The following HIPK2 variants were observed in gnomAD, a reference collection of about 807,000 sequenced individuals.
HIPK2 encodes the protein homeodomain interacting protein kinase 2.
In HIPK2, 27 loss-of-function variants were observed where a neutral mutation model predicts 113.7. That is an observed-to-expected ratio of 0.24 (90% CI 0.17 to 0.33). HIPK2 has a LOEUF of 0.33. Ranked by LOEUF, HIPK2 falls within the 10% of genes least tolerant of loss-of-function variation. The pLI, the probability that HIPK2 is intolerant of heterozygous loss-of-function variation, is 1.00. For missense variants in HIPK2, 1,257 were observed against 1,588.0 expected (o/e 0.79, Z 3.54); for synonymous variants, 631 against 642.2 (o/e 0.98, Z 0.26).
intron 1 of HIPK2, among the ~76,000 whole-genome samples, chr7:139,753,018 G>C (rs1796305607): frequency 1.3e-5 from 2 of 152,212 alleles, no homozygotes; most frequent in South Asian, 2.1e-4. Context: ...GTCTAGGTAG[G>C]CTTGGGCAAG....
At chr7:139,732,494 G>A (rs897149674) in intron 1 of HIPK2, among the ~76,000 whole-genome samples, 1 of 152,152 alleles carries the variant, frequency 6.6e-6, no homozygotes, top group African/African-American at 2.4e-5. Context: ...CCTATGTCTT[G>A]CTTTAAAACA....
At chr7:139,592,617 T>C (rs1799065368) in intron 12 of HIPK2, among the ~76,000 whole-genome samples, 1 of 152,140 alleles carries the variant, frequency 6.6e-6, no homozygotes, top group South Asian at 2.1e-4. Flanking sequence ...TGACTAAAGG[T>C]TGTATGCTAC....
chr7:139,677,915 A>C (rs1802559218), intron 2 of HIPK2, among the ~76,000 whole-genome samples: 1 of 152,186 alleles, frequency 6.6e-6, no homozygotes, highest in South Asian at 2.1e-4. Context: ...CGCCATTCTA[A>C]CTGGTGTGAG....
intron 2 of HIPK2, among the ~76,000 whole-genome samples, chr7:139,662,315 A>C (rs1193484664): frequency 6.6e-6 from 1 of 152,250 alleles, no homozygotes; most frequent in Non-Finnish European, 1.5e-5. Context: ...GCAGGAAAGC[A>C]CTGTATAAAG....
intron 2 of HIPK2, among the ~76,000 whole-genome samples, chr7:139,646,888 G>A (rs1801252832): frequency 6.6e-6 from 1 of 152,068 alleles, no homozygotes; most frequent in African/African-American, 2.4e-5. Flanking sequence ...ACTCTTGGTG[G>A]TCCCAGACTC....
intron 1 of HIPK2, among the ~76,000 whole-genome samples, chr7:139,743,097 G>A (rs1796132051): frequency 6.6e-6 from 1 of 152,192 alleles, no homozygotes; most frequent in African/African-American, 2.4e-5. Flanking sequence ...CCCCAGGTGT[G>A]CAGGAAGAGA....
Position 139,626,622 on chromosome 7 carries a change from A to C in HIPK2, c.1598T>G (p.Leu533Arg), listed in dbSNP as rs776731877. Residue 533 changes from leucine to arginine, a missense_variant, in exon 6 of 15, where the codon CTC (leucine) becomes CGC (arginine). By Grantham distance (102) the Leu-to-Arg change is moderately radical. Coordinates refer to ENST00000406875, the MANE Select transcript of HIPK2 (RefSeq NM_022740.5). Reference protein sequence around the residue: ...NHPFVTMTHLLDFPHSTHVKS... With the variant: ...NHPFVTMTHLRDFPHSTHVKS... Reference sequence around the variant, plus strand: ...CTACTGTGTGCTGTGGGGAAAATCGAGTAAGTGTGTCATGGTGACAAAGGG... The same window carrying C: ...CTACTGTGTGCTGTGGGGAAAATCGCGTAAGTGTGTCATGGTGACAAAGGG... 2 of 1,613,712 alleles carry C rather than the reference A, an allele frequency of 1.2e-6. No individual in the cohort carries two copies.
chr7:139,775,212 C>T (rs1304745100), intron 1 of HIPK2, among the ~76,000 whole-genome samples: 1 of 152,172 alleles, frequency 6.6e-6, no homozygotes, highest in Non-Finnish European at 1.5e-5. Flanking sequence ...TTAGCATGCA[C>T]ACAGGGAGTC....
rs754877718 is a variant in HIPK2, at chr7:139,613,875, T to A, written c.1990+411A>T. ...CCCAGGGAAGTACTTTTCAGACTGA[T>A]GGATATTCTTCATGGGAGCTGGGAC... On this transcript the variant is annotated intron_variant, in intron 8 of 14. Transcript: ENST00000406875. This position sits in a 1 kb window ranked among gnomAD's most constrained non-coding sequence, Gnocchi z 4.2. 6.6e-6 allele frequency among the ~76,000 whole-genome samples: 1 copy of A among 152,194 alleles called. No homozygotes were observed. Among genetic ancestry groups the A allele is most frequent in the Non-Finnish European group, 1.5e-5 (1 of 68,036 alleles).
chr7:139,702,542 G>A (rs1367807912), intron 2 of HIPK2, among the ~76,000 whole-genome samples: 2 of 152,210 alleles, frequency 1.3e-5, no homozygotes, highest in Admixed American at 1.3e-4. Context: ...GCTGGGGGGA[G>A]ACCTTTCCTG....
Position 139,575,270 on chromosome 7 carries a change from G to T in HIPK2, c.2984C>A (p.Ser995Ter), listed in dbSNP as rs780109584. ...GGAGGACTTGGACTTGTAGGAGGACGAGTGGTGACTGGTGTTGACTGTGGC... is the reference window on the plus strand; with the variant it reads ...GGAGGACTTGGACTTGTAGGAGGACTAGTGGTGACTGGTGTTGACTGTGGC... ...SLVPVNTSHH[S>*]SSYKSKSSSN... Residue 995 changes from serine to a stop codon, truncating the protein, a stop_gained, in exon 14 of 15, where the codon TCG (serine) becomes TAG (stop). Transcript: ENST00000406875. LOFTEE classifies it high-confidence loss of function. 6.4e-7 allele frequency: 1 copy of T among 1,573,566 alleles called. No homozygotes were observed. Among genetic ancestry groups the T allele is most frequent in the South Asian group, 1.2e-5 (1 of 85,430 alleles).
At chr7:139,595,492 C>T (rs1799173070) in intron 12 of HIPK2, among the ~76,000 whole-genome samples, 1 of 152,184 alleles carries the variant, frequency 6.6e-6, no homozygotes, top group Admixed American at 6.5e-5. Context: ...AGTGCTATGC[C>T]TGGACCTTTG....
intron 12 of HIPK2, among the ~76,000 whole-genome samples, chr7:139,588,303 G>A (rs1318544625): frequency 6.6e-6 from 1 of 151,362 alleles, no homozygotes; most frequent in African/African-American, 2.4e-5. Flanking sequence ...GGGTGACAGA[G>A]TGAGACTCTG....
intron 2 of HIPK2, among the ~76,000 whole-genome samples, chr7:139,705,826 T>TAA (rs1010543995): frequency 1.6e-4 from 17 of 105,348 alleles, no homozygotes; most frequent in Admixed American, 3.9e-4. Context: ...AAAAGATTAG[T>TAA]AAAAAAAAAA....
chr7:139,680,342 G>A (rs1446922170), intron 2 of HIPK2, among the ~76,000 whole-genome samples: 1 of 152,228 alleles, frequency 6.6e-6, no homozygotes, highest in African/African-American at 2.4e-5. Flanking sequence ...AGCCCCAGTA[G>A]GGCTTGGGCC....
chr7:139,659,036 T>C (rs970266698), intron 2 of HIPK2, among the ~76,000 whole-genome samples: 1 of 151,968 alleles, frequency 6.6e-6, no homozygotes, highest in African/African-American at 2.4e-5. Flanking sequence ...CACTGACTGA[T>C]GGACATATTT....
At chr7:139,608,458 A>G (rs1181060166) in intron 9 of HIPK2, among the ~76,000 whole-genome samples, 2 of 151,360 alleles carry the variant, frequency 1.3e-5, no homozygotes, top group East Asian at 3.9e-4. Flanking sequence ...TAATTTTCCT[A>G]TAAGTTTATG....
chr7:139,763,288 C>T (rs1796498105), intron 1 of HIPK2, among the ~76,000 whole-genome samples: 1 of 152,102 alleles, frequency 6.6e-6, no homozygotes. Flanking sequence ...ATCTAATGTG[C>T]ACTTAATATC....
rs372204350 is a variant in HIPK2 at position 139,718,541 on chromosome 7, T to C, written c.20-1526A>G. 2.3e-4 allele frequency among the ~76,000 whole-genome samples: 35 copies of C among 152,300 alleles called. No individual in the cohort carries two copies. In the East Asian group the frequency reaches 6.7e-3, roughly 29 times the overall value. ...CATCCTCCATCCTTCATTCCTTCTC[T>C]CCAGTCTGAGAGAAAGAGGTGTTGC... On this transcript the variant is annotated intron_variant, in intron 1 of 14. Transcript: ENST00000406875.
Sources: allele counts gnomAD v4.1 joint callset (sites outside exome capture counted in the v4.1 genomes callset), GRCh38; gene constraint gnomAD v4.1.1; non-coding constraint Gnocchi (gnomAD v3.1); transcripts MANE v1.5; gene names NCBI Gene and HGNC (gene_info 2026-07-23, HGNC 2026-07-21).